The following CSMD1 variants were observed in gnomAD, a reference collection of about 807,000 sequenced individuals.
CSMD1 encodes CUB and sushi domain-containing protein 1.
Under a neutral mutation model 417.5 loss-of-function variants are expected in CSMD1, and 213 were observed. The ratio of observed to expected loss-of-function variants is 0.51; its 90% CI spans 0.46 to 0.57. The LOEUF (loss-of-function observed/expected upper bound fraction) is 0.57. Ranked by LOEUF, CSMD1 falls within the 20% of genes least tolerant of loss-of-function variation. The pLI is 0.00. For synonymous variants in CSMD1, 2,862 were observed against 1,736.8 expected, an observed-to-expected ratio of 1.65 and a Z score of -16.11; for missense variants, 6,923 against 4,529.7, an observed-to-expected ratio of 1.53 and a Z score of -15.17.
intron 2 of CSMD1, among the ~76,000 whole-genome samples, chr8:4,552,867 G>C (rs1797933482): frequency 6.6e-6 from 1 of 152,144 alleles, no homozygotes; most frequent in Non-Finnish European, 1.5e-5. Context: ...ATCTAGCTGA[G>C]AAGCTCTTCT....
intron 3 of CSMD1, among the ~76,000 whole-genome samples, chr8:4,228,279 G>A (rs886321355): frequency 3.3e-5 from 5 of 152,284 alleles, no homozygotes; most frequent in South Asian, 2.1e-4. Flanking sequence ...AGGCCCTGGT[G>A]CTGCTGGCCC....
intron 5 of CSMD1, among the ~76,000 whole-genome samples, chr8:3,879,197 T>C (rs904282038): frequency 6.6e-6 from 1 of 152,116 alleles, no homozygotes; most frequent in Admixed American, 6.6e-5. Context: ...CACTTCTCTT[T>C]GCCTAGAAAT....
chr8:4,514,387 A>G (rs1033902339), intron 2 of CSMD1, among the ~76,000 whole-genome samples: 1 of 152,168 alleles, frequency 6.6e-6, no homozygotes, highest in South Asian at 2.1e-4. Context: ...TTAGGGGGAC[A>G]CAGGCAGTCC....
chr8:3,704,337 C>T (rs1418361248), intron 7 of CSMD1, among the ~76,000 whole-genome samples: 1 of 152,148 alleles, frequency 6.6e-6, no homozygotes, highest in Non-Finnish European at 1.5e-5. Context: ...AAATTTCCTC[C>T]CTTTTTCAGG....
At chr8:3,294,807 G>T (rs550731297) in intron 25 of CSMD1, among the ~76,000 whole-genome samples, 1 of 152,034 alleles carries the variant, frequency 6.6e-6, no homozygotes, top group Non-Finnish European at 1.5e-5. Flanking sequence ...TTTGGCTCCC[G>T]CTTGGTGGGC....
chr8:4,676,078 C>T (rs936941498), intron 1 of CSMD1, among the ~76,000 whole-genome samples: 25 of 152,226 alleles, frequency 1.6e-4, no homozygotes, highest in Non-Finnish European at 3.1e-4. Flanking sequence ...GAAAGAGAAG[C>T]GATGATCCCC....
intron 26 of CSMD1, among the ~76,000 whole-genome samples, chr8:3,251,047 T>C (rs1585798049): frequency 6.6e-6 from 1 of 152,228 alleles, no homozygotes; most frequent in East Asian, 1.9e-4. Flanking sequence ...TCTTTTGCTG[T>C]GCAGAAGCTC....
chr8:4,373,855 T>C (rs1471019263), intron 3 of CSMD1, among the ~76,000 whole-genome samples: 1 of 152,196 alleles, frequency 6.6e-6, no homozygotes, highest in African/African-American at 2.4e-5. Flanking sequence ...TATGTATATG[T>C]ATAATTCTTT....
At chr8:4,941,522 T>G (rs1426728585) in intron 1 of CSMD1, among the ~76,000 whole-genome samples, 1 of 152,238 alleles carries the variant, frequency 6.6e-6, no homozygotes, top group African/African-American at 2.4e-5. Flanking sequence ...ATGTAACTTG[T>G]TGTGTTTCTT....
intron 5 of CSMD1, among the ~76,000 whole-genome samples, chr8:3,988,698 A>G (rs1469971944): frequency 6.6e-6 from 1 of 152,248 alleles, no homozygotes; most frequent in East Asian, 1.9e-4. Flanking sequence ...GATATACAGG[A>G]TCTAAACCAG....
chr8:4,740,127 T>A lies in CSMD1; in HGVS notation c.86-102569A>T, dbSNP rs375591122. 1.6e-3 allele frequency among the ~76,000 whole-genome samples: 238 copies of A among 152,172 alleles called. 1 individual carries two copies. Among genetic ancestry groups the A allele is most frequent in the African/African-American group, 5.6e-3 (232 of 41,532 alleles). ...TGCCATTTTATCTGTATCTCCATCA[T>A]AATTCCCTCCCTGCAGGGATGACTG... On this transcript the variant is annotated intron_variant, in intron 1 of 69. Coordinates refer to ENST00000635120, the MANE Select transcript of CSMD1 (RefSeq NM_033225.6).
At chr8:3,361,250 A>G (rs976142062) in intron 20 of CSMD1, among the ~76,000 whole-genome samples, 1 of 152,158 alleles carries the variant, frequency 6.6e-6, no homozygotes, top group Non-Finnish European at 1.5e-5. Flanking sequence ...ATTATCACAT[A>G]CCTTGCTGTT....
intron 2 of CSMD1, among the ~76,000 whole-genome samples, chr8:4,614,218 A>C (rs979225740): frequency 6.6e-6 from 1 of 152,238 alleles, no homozygotes; most frequent in South Asian, 2.1e-4. Flanking sequence ...CCAGCAAAGC[A>C]AACTGCATAT....
At chr8:3,247,473 C>T (rs1248589111) in intron 26 of CSMD1, among the ~76,000 whole-genome samples, 2 of 152,176 alleles carry the variant, frequency 1.3e-5, no homozygotes, top group Non-Finnish European at 2.9e-5. Context: ...AAGCTGTCTA[C>T]CCTCAGGAGG....
intron 8 of CSMD1, among the ~76,000 whole-genome samples, chr8:3,596,576 G>A (rs1437766208): frequency 1.3e-5 from 2 of 152,144 alleles, no homozygotes; most frequent in Non-Finnish European, 2.9e-5. Context: ...TAAATACACA[G>A]AGACTGTTCG....
intron 3 of CSMD1, among the ~76,000 whole-genome samples, chr8:4,059,875 C>A (rs930498598): frequency 1.3e-5 from 2 of 150,682 alleles, no homozygotes; most frequent in African/African-American, 2.4e-5. Flanking sequence ...CAAGGAGGAA[C>A]TGGTACCATT....
At chr8:3,394,554 T>C (rs1045351117) in intron 17 of CSMD1, among the ~76,000 whole-genome samples, 2 of 152,032 alleles carry the variant, frequency 1.3e-5, no homozygotes, top group African/African-American at 4.8e-5. Flanking sequence ...TATTTGTCAA[T>C]GCCTGAAAAT....
chr8:4,962,690 G>A (rs1429335001), intron 1 of CSMD1, among the ~76,000 whole-genome samples: 1 of 152,154 alleles, frequency 6.6e-6, no homozygotes, highest in South Asian at 2.1e-4. Context: ...CCATGTGGGT[G>A]GAAGGGATGT....
chr8:3,918,171 T>C (rs1370355472), intron 5 of CSMD1, among the ~76,000 whole-genome samples: 1 of 152,120 alleles, frequency 6.6e-6, no homozygotes, highest in Non-Finnish European at 1.5e-5. Flanking sequence ...TGAAAGTGTG[T>C]GTTCAAAATC....
Sources: gnomAD v4.1 joint callset for allele counts (sites outside exome capture counted in the v4.1 genomes callset) on GRCh38, gnomAD v4.1.1 for gene constraint, MANE v1.5 for transcripts, NCBI Gene and HGNC (gene_info 2026-07-23, HGNC 2026-07-21) for gene names.